Variants in INPP4B observed in about 807,000 individuals in gnomAD.
INPP4B encodes inositol polyphosphate 4-phosphatase type II.
INPP4B carries 55 observed loss-of-function variants against 122.5 expected under a neutral mutation model. That is an observed-to-expected ratio of 0.45 (90% CI 0.36 to 0.56). INPP4B has a LOEUF of 0.56. Ranked by LOEUF, INPP4B falls within the 20% of genes least tolerant of loss-of-function variation. The probability of loss-of-function intolerance (pLI) is 0.00; values close to 1 mark genes in which losing one functional copy is unlikely to be tolerated. For missense variants in INPP4B, 1,000 were observed against 1,097.7 expected (o/e 0.91, Z 1.26); for synonymous variants, 403 against 388.7 (o/e 1.04, Z -0.43).
At chr4:142,201,426 G>A (rs1840588790) in intron 14 of INPP4B, among the ~76,000 whole-genome samples, 3 of 151,908 alleles carry the variant, frequency 2.0e-5, no homozygotes. Flanking sequence ...TTAATATTTT[G>A]CAGTTGTCAT....
intron 1 of INPP4B, among the ~76,000 whole-genome samples, chr4:142,840,091 G>A (rs2151207837): frequency 6.6e-6 from 1 of 152,210 alleles, no homozygotes; most frequent in East Asian, 1.9e-4. Context: ...TAACCAAGAA[G>A]AAATTGTAAA....
chr4:142,759,825 TAAAAAAAAAAA>T (rs70949188), intron 1 of INPP4B, among the ~76,000 whole-genome samples: 1 of 70,070 alleles, frequency 1.4e-5, no homozygotes, highest in African/African-American at 5.6e-5. Flanking sequence ...GAGCTTTTTC[TAAAAAAAAAAA>T]AAAAAAAAAA....
chr4:142,355,634 G>C (rs1408448770), intron 7 of INPP4B, among the ~76,000 whole-genome samples: 1 of 152,036 alleles, frequency 6.6e-6, no homozygotes, highest in Non-Finnish European at 1.5e-5. Flanking sequence ...ACTATGAAAA[G>C]TCATGACCTT....
At chr4:142,412,305 A>G (rs1804770762) in intron 5 of INPP4B, among the ~76,000 whole-genome samples, 2 of 152,260 alleles carry the variant, frequency 1.3e-5, no homozygotes, top group East Asian at 1.9e-4. Flanking sequence ...TTATTAGTAT[A>G]ATATGCTTTT....
At chr4:142,524,069 T>A (rs925865439) in intron 2 of INPP4B, among the ~76,000 whole-genome samples, 95 of 151,660 alleles carry the variant, frequency 6.3e-4, no homozygotes, top group African/African-American at 2.0e-3. Context: ...GTTGGACATT[T>A]GGGATGGTTC....
chr4:142,575,268 A>G (rs773103217), intron 2 of INPP4B, among the ~76,000 whole-genome samples: 1 of 152,058 alleles, frequency 6.6e-6, no homozygotes, highest in Non-Finnish European at 1.5e-5. Context: ...AAAAGTTTCC[A>G]TTGGACAGAA....
chr4:142,289,168 A>G (rs1385568094), intron 9 of INPP4B, among the ~76,000 whole-genome samples: 1 of 139,636 alleles, frequency 7.2e-6, no homozygotes, highest in Non-Finnish European at 1.5e-5. Context: ...TACTTTTAGC[A>G]GTGAATTTTT....
In INPP4B at chr4:142,066,762, G is replaced by T. The variant is rs377255827; in HGVS notation, c.2642+15269C>A. On this transcript the variant is annotated intron_variant, in intron 25 of 25. Transcript: ENST00000262992. The stretch of plus-strand genomic sequence containing the variant: ...TCTGAGATCAAACTGCAAGGCAGCA[G>T]CGAGGCTGAGGGAGGGGCATCTGCC... Among the ~76,000 whole-genome samples the T allele has an allele frequency of 4.3e-4, 66 of 152,318 alleles. No homozygotes were observed. In the East Asian group the frequency reaches 0.012, roughly 28 times the overall value.
chr4:142,413,243 G>T (rs867911397), intron 5 of INPP4B, among the ~76,000 whole-genome samples: 1 of 151,942 alleles, frequency 6.6e-6, no homozygotes, highest in Non-Finnish European at 1.5e-5. Context: ...CAAAGCCAGG[G>T]TCTTTCTCTC....
intron 9 of INPP4B, chr4:142,287,534 A>G (rs1466298277): frequency 1.3e-5 from 2 of 152,186 alleles, no homozygotes; most frequent in African/African-American, 4.8e-5. Context: ...ATTTCCGAGC[A>G]TCACAATTAA....
At chr4:142,353,970 C>A (rs757378278) in intron 7 of INPP4B, among the ~76,000 whole-genome samples, 1 of 151,700 alleles carries the variant, frequency 6.6e-6, no homozygotes, top group Non-Finnish European at 1.5e-5. Context: ...AAATTTTGTT[C>A]AATAACTCTT....
chr4:142,721,588 C>T (rs1210936099), intron 2 of INPP4B, among the ~76,000 whole-genome samples: 4 of 152,078 alleles, frequency 2.6e-5, no homozygotes, highest in Admixed American at 2.0e-4. Context: ...TTTGGGAGGC[C>T]GAGGCGGGTG....
At chr4:142,257,190 T>C (rs1375197302) in intron 11 of INPP4B, among the ~76,000 whole-genome samples, 1 of 152,178 alleles carries the variant, frequency 6.6e-6, no homozygotes, top group Non-Finnish European at 1.5e-5. Flanking sequence ...AAATTAGGTA[T>C]TGACGGGACG....
chr4:142,357,630 A>G (rs1427165474), intron 7 of INPP4B, among the ~76,000 whole-genome samples: 1 of 151,976 alleles, frequency 6.6e-6, no homozygotes, highest in Non-Finnish European at 1.5e-5. Context: ...GAAAGTCCTC[A>G]TATTCATCAA....
intron 2 of INPP4B, among the ~76,000 whole-genome samples, chr4:142,679,366 G>T (rs1313855557): frequency 6.6e-6 from 1 of 151,846 alleles, no homozygotes; most frequent in Non-Finnish European, 1.5e-5. Context: ...AATAGTGAGG[G>T]TATTTGTTTG....
chr4:142,593,105 A>T (rs7683320), intron 2 of INPP4B, among the ~76,000 whole-genome samples: 30,367 of 128,714 alleles, frequency 0.24, 3,955 homozygotes, highest in East Asian at 0.76. Flanking sequence ...TCCTGTTTTT[A>T]AAAAAAAAAA....
At chr4:142,575,907 T>TACTTGTGTTA (rs1282032472) in intron 2 of INPP4B, among the ~76,000 whole-genome samples, 5 of 152,074 alleles carry the variant, frequency 3.3e-5, no homozygotes, top group Admixed American at 2.0e-4. Context: ...AACTCAAGGT[T>TACTTGTGTTA]CTGTGTGCAA....
rs1364985835 is a variant in INPP4B at position 142,404,892 on chromosome 4, T to TG, written c.255+313dup. ...CTATGCTCTATATGAGAATTTAAAG[T>TG]GGGAACTTTTTTTTCTATCTTTGGG... is the stretch of plus-strand genomic sequence containing the variant. On this transcript the variant is annotated intron_variant, in intron 6 of 25. Coordinates refer to ENST00000262992, the MANE Select transcript of INPP4B (RefSeq NM_001101669.3). 2.6e-5 allele frequency among the ~76,000 whole-genome samples: 4 copies of TG among 152,028 alleles called. No individual in the cohort carries two copies. In the East Asian group the frequency reaches 7.7e-4, roughly 29 times the overall value.
chr4:142,327,521 A>C (rs1355913610), intron 7 of INPP4B, among the ~76,000 whole-genome samples: 2 of 151,986 alleles, frequency 1.3e-5, no homozygotes, highest in African/African-American at 4.8e-5. Context: ...GTTTGTGTCC[A>C]GGCAAAACTG....
Sources: allele counts gnomAD v4.1 joint callset (sites outside exome capture counted in the v4.1 genomes callset), GRCh38; gene constraint gnomAD v4.1.1; transcripts MANE v1.5; gene names NCBI Gene and HGNC (gene_info 2026-07-23, HGNC 2026-07-21).